PCDHA5: variants seen among roughly 807,000 people sequenced by gnomAD.
PCDHA5 encodes protocadherin alpha-5.
PCDHA5 carries 43 observed loss-of-function variants against 61.6 expected under a neutral mutation model. That is an observed-to-expected ratio of 0.70 (90% CI 0.55 to 0.90). The LOEUF (loss-of-function observed/expected upper bound fraction) is 0.90, where lower values mean the gene tolerates loss of function less well. Ranked by LOEUF, PCDHA5 falls within the 40% of genes least tolerant of loss-of-function variation. The probability of loss-of-function intolerance (pLI) is 0.00; values close to 1 mark genes in which losing one functional copy is unlikely to be tolerated. For synonymous variants in PCDHA5, 627 were observed against 543.9 expected (o/e 1.15, Z -2.13); for missense variants, 1,298 against 1,222.7 (o/e 1.06, Z -0.92).
At chr5:140,834,129 A>G in intron 1 of PCDHA5, 1 of 450,824 alleles carries the variant, frequency 2.2e-6, no homozygotes, top group Non-Finnish European at 3.9e-6. Context: ...AAAACTTTTC[A>G]TCTGATTAAT....
At chr5:140,993,358 A>G (rs1197499617) in intron 3 of PCDHA5, among the ~76,000 whole-genome samples, 7 of 151,988 alleles carry the variant, frequency 4.6e-5, no homozygotes, top group Admixed American at 4.6e-4. Context: ...AGATCCTCAC[A>G]AAAACTACCT....
chr5:140,872,444 T>C (rs2053673560), intron 1 of PCDHA5, among the ~76,000 whole-genome samples: 2 of 152,002 alleles, frequency 1.3e-5, no homozygotes, highest in Admixed American at 1.3e-4. Flanking sequence ...CTGGACAACA[T>C]AGCGAGATCC....
intron 1 of PCDHA5, chr5:140,882,431 G>A (rs374040153): frequency 1.2e-6 from 2 of 1,614,044 alleles, no homozygotes; most frequent in Non-Finnish European, 8.5e-7. Flanking sequence ...CCTGGGGCTG[G>A]AGCTGGCGGA....
At position 140,821,693 on chromosome 5, in the gene PCDHA5, AT is replaced by A. The variant is rs1199376177; in HGVS notation, c.-82del. On this transcript the variant is annotated 5_prime_UTR_variant, in exon 1 of 4. Transcript: ENST00000529859. ...GCTCAGAAAGGCGATAATATAAAAA[AT>A]ATATAGTTAATTGGGAATTGAATTT... is the stretch of plus-strand genomic sequence containing the variant. 2.1e-6 allele frequency: 3 copies of A among 1,399,368 alleles called. No individual in the cohort carries two copies. The highest frequency in any genetic ancestry group is 4.5e-5 in the Admixed American group (2 of 44,074). The allele number at this position is 1,399,368 out of a possible 1,614,324, so 86.7% of individuals were successfully genotyped here. A position where few individuals can be genotyped will look rare whatever the true frequency, so the allele number is the denominator to read the frequency against.
rs17844298 is a variant in PCDHA5, at chr5:140,823,840, G to C, written c.2065G>C (p.Glu689Gln). Residue 689 changes from glutamate to glutamine, a missense_variant, in exon 1 of 4, where the codon GAG (glutamate) becomes CAG (glutamine). By Grantham distance (29) the Glu-to-Gln change is conservative. Transcript: ENST00000529859. ...GGCGTCGGCGGGCGCTGTGGGTCCC[G>C]AGGCTGCCCTGGTGGATGTCAACGT... ...SRASAGAVGP[E>Q]AALVDVNVYL... 1.5e-3 allele frequency: 2,499 copies of C among 1,613,840 alleles called. 57 individuals carry two copies. The East Asian group carries it at 0.044, about 28-fold the overall frequency.
rs1169646324 is a variant in PCDHA5 at position 141,011,134 on chromosome 5, ATACACAACCT to A, written c.*1199_*1208del. The A allele has an allele frequency of 6.5e-6, 1 of 153,688 alleles. No homozygotes were observed. Among genetic ancestry groups the A allele is most frequent in the East Asian group, 1.9e-4 (1 of 5,194 alleles). The allele number at this position is 153,688 out of a possible 1,614,324, so 9.5% of individuals were successfully genotyped here. ...CTAAGAAACAATTATGTGCACTTTG[ATACACAACCT>A]TCTCTAACCAACTATATATCAAGAC... On this transcript the variant is annotated 3_prime_UTR_variant, in exon 4 of 4. Transcript: ENST00000529859.
At chr5:140,835,885 A>G in intron 1 of PCDHA5, 3 of 1,611,866 alleles carry the variant, frequency 1.9e-6, no homozygotes, top group Non-Finnish European at 2.5e-6. Flanking sequence ...CGGGTGGGCG[A>G]GCGCGCGCTG....
chr5:140,884,352 A>C, intron 1 of PCDHA5: 1 of 1,613,828 alleles, frequency 6.2e-7, no homozygotes, highest in African/African-American at 1.3e-5. Context: ...GCGCTGGTGG[A>C]TGTCAATGTT....
chr5:140,928,616 G>A, intron 1 of PCDHA5: 2 of 1,614,226 alleles, frequency 1.2e-6, no homozygotes, highest in Non-Finnish European at 8.5e-7. Flanking sequence ...CGCTCTGCCA[G>A]GACTGGACAC....
intron 3 of PCDHA5, among the ~76,000 whole-genome samples, chr5:141,003,696 T>C (rs1554259206): frequency 6.6e-6 from 1 of 152,210 alleles, no homozygotes; most frequent in East Asian, 1.9e-4. Flanking sequence ...AATATATCCC[T>C]ACCAATTGTG....
chr5:140,843,700 T>G lies in PCDHA5; in HGVS notation c.2352+19573T>G. On this transcript the variant is annotated intron_variant, in intron 1 of 3. Coordinates refer to ENST00000529859, the MANE Select transcript of PCDHA5 (RefSeq NM_018908.3). ...TAGGCGAAGAGCAAGATTTAAATGT[T>G]GATCATGGCCTCAAAGTAAGTCCAT... The G allele has an allele frequency of 3.2e-6, 5 of 1,581,782 alleles. 1 individual carries two copies. Among genetic ancestry groups the G allele is most frequent in the Non-Finnish European group, 4.3e-6 (5 of 1,152,788 alleles).
At chr5:140,997,399 C>T (rs1453624678) in intron 3 of PCDHA5, among the ~76,000 whole-genome samples, 1 of 152,118 alleles carries the variant, frequency 6.6e-6, no homozygotes, top group Non-Finnish European at 1.5e-5. Flanking sequence ...TAGGCTCTAT[C>T]GTATGGCCTA....
intron 1 of PCDHA5, chr5:140,853,989 C>A: frequency 4.0e-6 from 2 of 494,684 alleles, no homozygotes; most frequent in Non-Finnish European, 5.4e-6. Context: ...TGTAGTGAGA[C>A]TCATCTCTGC....
intron 1 of PCDHA5, chr5:140,865,984 C>CT (rs1421738889): frequency 1.3e-5 from 2 of 152,088 alleles, no homozygotes; most frequent in Non-Finnish European, 2.9e-5. Context: ...TGAGATGGCA[C>CT]TAAGTTTTTT....
chr5:140,897,227 C>T (rs1554187259), intron 1 of PCDHA5, among the ~76,000 whole-genome samples: 1 of 152,036 alleles, frequency 6.6e-6, no homozygotes, highest in Non-Finnish European at 1.5e-5. Flanking sequence ...TACATGTGCA[C>T]AATGTGCAGG....
chr5:140,844,257 G>A lies in PCDHA5; in HGVS notation c.2352+20130G>A, dbSNP rs1328189428. Among the ~76,000 whole-genome samples, 4 of 149,406 alleles carry A rather than the reference G, an allele frequency of 2.7e-5. 1 individual carries two copies. Among genetic ancestry groups the A allele is most frequent in the African/African-American group, 9.8e-5 (4 of 40,832 alleles). ...CACTATTGCCGTTTTAAGCAGTGTA[G>A]TGATAAAATACAGAATGATAGTGTT... On this transcript the variant is annotated intron_variant, in intron 1 of 3. Transcript: ENST00000529859.
chr5:140,838,266 A>G (rs1554136963), intron 1 of PCDHA5, among the ~76,000 whole-genome samples: 4 of 140,468 alleles, frequency 2.8e-5, no homozygotes, highest in Non-Finnish European at 6.1e-5. Flanking sequence ...GACGCCAACA[A>G]CCAAGCCATG....
At chr5:140,932,113 T>G (rs2088043197) in intron 1 of PCDHA5, among the ~76,000 whole-genome samples, 1 of 151,918 alleles carries the variant, frequency 6.6e-6, no homozygotes, top group South Asian at 2.1e-4. Flanking sequence ...TATTTCCAAT[T>G]GATAATATTT....
Position 140,849,718 on chromosome 5 carries a change from T to C in PCDHA5, c.2352+25591T>C, listed in dbSNP as rs2150446533. The C allele has an allele frequency of 2.5e-6, 4 of 1,598,570 alleles. 1 individual carries two copies. Among genetic ancestry groups the C allele is most frequent in the Non-Finnish European group, 3.4e-6 (4 of 1,168,006 alleles). On this transcript the variant is annotated intron_variant, in intron 1 of 3. Coordinates refer to ENST00000529859, the MANE Select transcript of PCDHA5 (RefSeq NM_018908.3). Reference sequence around the variant, plus strand: ...ACCTACAAGAATTACTACTCGTTGGTGCTGGACAGAGCTCTGGACCGCGAG... The same window carrying C: ...ACCTACAAGAATTACTACTCGTTGGCGCTGGACAGAGCTCTGGACCGCGAG...
Sources: gnomAD v4.1 joint callset for allele counts (sites outside exome capture counted in the v4.1 genomes callset) on GRCh38, gnomAD v4.1.1 for gene constraint, MANE v1.5 for transcripts, NCBI Gene and HGNC (gene_info 2026-07-23, HGNC 2026-07-21) for gene names.